Variants in PIK3R5 observed in about 807,000 individuals in gnomAD.
The protein encoded by PIK3R5 is phosphoinositide 3-kinase regulatory subunit 5.
Under a neutral mutation model 94.9 loss-of-function variants are expected in PIK3R5, and 32 were observed. That is an observed-to-expected ratio of 0.34 (90% confidence interval 0.25 to 0.45). PIK3R5 has a LOEUF of 0.45. Among genes scored for constraint, PIK3R5 ranks in the 20% least tolerant of loss-of-function variants. The pLI is 1.00. For missense variants in PIK3R5, 853 were observed against 1,144.6 expected (o/e 0.75, Z 3.68); for synonymous variants, 443 against 479.4 (o/e 0.92, Z 0.99).
At chr17:8,961,760 A>G (rs1271674914) in intron 1 of PIK3R5, among the ~76,000 whole-genome samples, 1 of 152,140 alleles carries the variant, frequency 6.6e-6, no homozygotes, top group Non-Finnish European at 1.5e-5. Flanking sequence ...GCCGAACTCT[A>G]GGGCCCAAAG....
rs2091453628 is a variant in PIK3R5, at chr17:8,955,489, ACTAAGGACT to A, written c.-14+10098_-14+10106del. Among the ~76,000 whole-genome samples the A allele has an allele frequency of 6.6e-6, 1 of 152,234 alleles. No homozygotes were observed. Among genetic ancestry groups the A allele is most frequent in the African/African-American group, 2.4e-5 (1 of 41,458 alleles). ...CTCAACTTCGAAACCTGAACAGAAG[ACTAAGGACT>A]CTGGACTCTCCCTAAGCAGTGGGGT... On this transcript the variant is annotated intron_variant, in intron 1 of 18. Coordinates refer to ENST00000447110, the MANE Select transcript of PIK3R5 (RefSeq NM_001142633.3). The surrounding 1 kb of genome is among the most constrained non-coding windows in gnomAD (Gnocchi z 4.4).
chr17:8,963,973 G>A (rs1035677385), intron 1 of PIK3R5, among the ~76,000 whole-genome samples: 7 of 152,008 alleles, frequency 4.6e-5, no homozygotes, highest in Non-Finnish European at 7.4e-5. Flanking sequence ...TGTCTTCCAC[G>A]GGTCCACAGG....
At position 8,893,728 on chromosome 17, in the gene PIK3R5, C is replaced by G. The variant is rs1372756513; in HGVS notation, c.413-73G>C. 8.7e-7 allele frequency: 1 copy of G among 1,152,120 alleles called. No individual in the cohort carries two copies. Among genetic ancestry groups the G allele is most frequent in the Non-Finnish European group, 1.3e-6 (1 of 765,610 alleles). 71.4% of individuals were successfully genotyped at this position (1,152,120 alleles called of 1,614,324 possible). A position where few individuals can be genotyped will look rare whatever the true frequency, so the allele number is the denominator to read the frequency against. ...CATCGTCCGTGTGCCTCGTGGGGAG[C>G]CAAGCACTGGACAATCAGGTTGGAA... On this transcript the variant is annotated intron_variant, in intron 5 of 18. Coordinates refer to ENST00000447110, the MANE Select transcript of PIK3R5 (RefSeq NM_001142633.3). The surrounding 1 kb of genome is among the most constrained non-coding windows in gnomAD (Gnocchi z 5.1).
intron 1 of PIK3R5, among the ~76,000 whole-genome samples, chr17:8,963,508 A>ATTC (rs1314825888): frequency 4.0e-5 from 5 of 125,080 alleles, no homozygotes; most frequent in South Asian, 2.7e-4. Context: ...CATCCAACCT[A>ATTC]TTCTTCTTCT....
At chr17:8,891,046 G>T (rs2090012167) in intron 6 of PIK3R5, 134 bp from the exon 7 acceptor site, 1 of 788,060 alleles carries the variant, frequency 1.3e-6, no homozygotes, top group South Asian at 1.8e-5. Flanking sequence ...AGCTCGAGGA[G>T]GTGACCACAG....
At chr17:8,960,006 C>A (rs1300602420) in intron 1 of PIK3R5, among the ~76,000 whole-genome samples, 1 of 152,022 alleles carries the variant, frequency 6.6e-6, no homozygotes, top group African/African-American at 2.4e-5. Flanking sequence ...AGAAGAGAGG[C>A]CCCCCCATTA....
chr17:8,896,023 GCTGGGGC>G lies in PIK3R5; in HGVS notation c.413-2375_413-2369del, dbSNP rs1243807324. On this transcript the variant is annotated intron_variant, in intron 5 of 18. Transcript: ENST00000447110. This position sits in a 1 kb window ranked among gnomAD's most constrained non-coding sequence, Gnocchi z 4.0. ...GGGTTTTGGGGTAATTAACTGGTGG[GCTGGGGC>G]CTGAGCTGGGAACACATTAGAAAAG... is the stretch of plus-strand genomic sequence containing the variant. Among the ~76,000 whole-genome samples the G allele has an allele frequency of 6.6e-6, 1 of 152,152 alleles. No homozygotes were observed. The highest frequency in any genetic ancestry group is 2.4e-5 in the African/African-American group (1 of 41,420).
intron 1 of PIK3R5, among the ~76,000 whole-genome samples, chr17:8,912,219 A>T (rs1409717347): frequency 6.6e-6 from 1 of 152,146 alleles, no homozygotes; most frequent in East Asian, 1.9e-4. Context: ...TTAGCCCCGT[A>T]TGGGGAACTG....
At chr17:8,906,494 G>A (rs1206947092) in intron 3 of PIK3R5, among the ~76,000 whole-genome samples, 1 of 152,090 alleles carries the variant, frequency 6.6e-6, no homozygotes, top group Non-Finnish European at 1.5e-5. Context: ...TACAGGTGTT[G>A]ATTTTTCCTT....
intron 5 of PIK3R5, among the ~76,000 whole-genome samples, chr17:8,894,350 A>T (rs1407214243): frequency 1.3e-5 from 2 of 152,072 alleles, no homozygotes; most frequent in Non-Finnish European, 2.9e-5. Flanking sequence ...CCGCTATGCC[A>T]GGCACCTCTC....
At chr17:8,894,130 A>G (rs2151380525) in intron 5 of PIK3R5, among the ~76,000 whole-genome samples, 1 of 152,308 alleles carries the variant, frequency 6.6e-6, no homozygotes, top group East Asian at 1.9e-4. Flanking sequence ...GGGAAGGGCC[A>G]GATTAGATCC....
intron 1 of PIK3R5, among the ~76,000 whole-genome samples, chr17:8,950,489 T>G (rs899574716): frequency 6.6e-6 from 1 of 152,188 alleles, no homozygotes; most frequent in Non-Finnish European, 1.5e-5. Context: ...ATTGCTCCCA[T>G]GTTTATGTCT....
intron 1 of PIK3R5, chr17:8,915,722 G>A (rs2090617205): frequency 1.3e-5 from 2 of 152,500 alleles, no homozygotes; most frequent in African/African-American, 2.4e-5. Flanking sequence ...TGAAGCAGGA[G>A]TGAGTCATCC....
intron 1 of PIK3R5, among the ~76,000 whole-genome samples, chr17:8,950,858 C>A (rs1424795760): frequency 3.9e-5 from 6 of 152,134 alleles, no homozygotes; most frequent in Non-Finnish European, 8.8e-5. Context: ...GTTTTAAGTT[C>A]TTTGAGAAAT....
In PIK3R5 at chr17:8,889,302, G is replaced by A; in HGVS notation, c.812-80C>T. 9.9e-7 allele frequency: 1 copy of A among 1,012,524 alleles called. No homozygotes were observed. Among genetic ancestry groups the A allele is most frequent in the Non-Finnish European group, 1.5e-6 (1 of 671,416 alleles). The allele number at this position is 1,012,524 out of a possible 1,614,324, so 62.7% of individuals were successfully genotyped here. On this transcript the variant is annotated intron_variant, in intron 8 of 18. Transcript: ENST00000447110. The surrounding 1 kb of genome is among the most constrained non-coding windows in gnomAD (Gnocchi z 4.1). ...GCCAGTCCAGTCCCCTTGCCTTGGA[G>A]AAGAGACCAGAGATGGGACAGGATC...
Position 8,888,555 on chromosome 17 carries a change from C to A in PIK3R5, c.1232G>T (p.Arg411Leu). The A allele has an allele frequency of 6.2e-7, 1 of 1,611,888 alleles. No homozygotes were observed. Among genetic ancestry groups the A allele is most frequent in the Non-Finnish European group, 8.5e-7 (1 of 1,179,680 alleles). Residue 411 changes from arginine (R) to leucine (L), a missense_variant, in exon 10 of 19, where the codon CGC becomes CTC. Transcript: ENST00000447110. This position sits in a 1 kb window ranked among gnomAD's most constrained non-coding sequence, Gnocchi z 7.8. ...CTGCCCAGGCCTGCGGTGGCCTCGGCGTTCCTGGCTGCCACGCCTCCAAGG... is the reference window on the plus strand; with the variant it reads ...CTGCCCAGGCCTGCGGTGGCCTCGGAGTTCCTGGCTGCCACGCCTCCAAGG... ...EWPWRRGSQE[R>L]RGHRRPGQKF...
chr17:8,927,347 C>G (rs1306264971), intron 1 of PIK3R5, among the ~76,000 whole-genome samples: 1 of 152,214 alleles, frequency 6.6e-6, no homozygotes, highest in Non-Finnish European at 1.5e-5. Context: ...AGACTTCCAC[C>G]CTGGCCAGGC....
chr17:8,908,590 C>A (rs1197445945), intron 3 of PIK3R5, among the ~76,000 whole-genome samples: 1 of 145,658 alleles, frequency 6.9e-6, no homozygotes, highest in African/African-American at 2.6e-5. Context: ...AAAGAGAATT[C>A]TTTACAAAAG....
chr17:8,895,347 C>T (rs1181815642), intron 5 of PIK3R5, among the ~76,000 whole-genome samples: 2 of 152,170 alleles, frequency 1.3e-5, no homozygotes, highest in South Asian at 2.1e-4. Context: ...ATTTCTTCAC[C>T]GCCACTTCTG....
Sources: gnomAD v4.1 joint callset for allele counts (sites outside exome capture counted in the v4.1 genomes callset) on GRCh38, gnomAD v4.1.1 for gene constraint, Gnocchi (gnomAD v3.1) non-coding constraint, MANE v1.5 for transcripts, NCBI Gene and HGNC (gene_info 2026-07-23, HGNC 2026-07-21) for gene names.